The following ZNF474 variants were observed in gnomAD, a reference collection of about 807,000 sequenced individuals.
ZNF474 encodes the protein 4933409D10Rik.
For synonymous variants in ZNF474, 192 were observed against 162.2 expected, an observed-to-expected ratio of 1.18 and a Z score of -1.39; for missense variants, 511 against 433.8, an observed-to-expected ratio of 1.18 and a Z score of -1.58.
At chr5:122,151,536 G>A (rs1039660874) in intron 1 of ZNF474, among the ~76,000 whole-genome samples, 14 of 152,198 alleles carry the variant, frequency 9.2e-5, no homozygotes, top group East Asian at 3.9e-4. Context: ...GGCAGAACAC[G>A]ATTTTCAATA....
intron 1 of ZNF474, among the ~76,000 whole-genome samples, chr5:122,150,744 T>C (rs1258763303): frequency 6.6e-6 from 1 of 152,242 alleles, no homozygotes; most frequent in African/African-American, 2.4e-5. Context: ...TTCCCATAAA[T>C]GGATATCTAA....
At chr5:122,147,150 T>C (rs1313068356) in intron 1 of ZNF474, among the ~76,000 whole-genome samples, 1 of 152,174 alleles carries the variant, frequency 6.6e-6, no homozygotes. Context: ...TAAGACGGAC[T>C]GGTGAGCATA....
intron 1 of ZNF474, among the ~76,000 whole-genome samples, chr5:122,141,803 T>G (rs766790989): frequency 6.6e-6 from 1 of 152,210 alleles, no homozygotes; most frequent in African/African-American, 2.4e-5. Context: ...TCTTCCTGCC[T>G]TCAAGAGGTG....
chr5:122,150,497 G>A (rs1453083704), intron 1 of ZNF474, among the ~76,000 whole-genome samples: 1 of 152,116 alleles, frequency 6.6e-6, no homozygotes, highest in Non-Finnish European at 1.5e-5. Context: ...AGGACTGCTG[G>A]CCTTGCACTG....
At chr5:122,151,230 T>G (rs929165592) in intron 1 of ZNF474, among the ~76,000 whole-genome samples, 3 of 152,222 alleles carry the variant, frequency 2.0e-5, no homozygotes, top group Non-Finnish European at 4.4e-5. Context: ...TAAAACTGAT[T>G]TCACCTGTGA....
rs1402986420 is a variant in ZNF474 at position 122,153,252 on chromosome 5, T to C, written c.*167T>C. On this transcript the variant is annotated 3_prime_UTR_variant, in exon 2 of 2. Coordinates refer to ENST00000296600, the MANE Select transcript of ZNF474 (RefSeq NM_207317.3). The stretch of plus-strand genomic sequence containing the variant: ...TAGATATAAGAACATCCTTGCCTGA[T>C]GGGTTCATATTCCTCTTCAATTCTG... The C allele has an allele frequency of 3.9e-6, 3 of 760,692 alleles. No homozygotes were observed. In the African/African-American group the frequency reaches 5.3e-5, roughly 13 times the overall value. 47.1% of individuals were successfully genotyped at this position (760,692 alleles called of 1,614,324 possible).
intron 1 of ZNF474, among the ~76,000 whole-genome samples, chr5:122,140,011 A>G (rs139650915): frequency 6.7e-4 from 102 of 152,314 alleles, no homozygotes; most frequent in Non-Finnish European, 1.0e-3. Context: ...ATGTAGGCCA[A>G]TGGAATTCTC....
intron 1 of ZNF474, among the ~76,000 whole-genome samples, chr5:122,150,793 G>A (rs948757762): frequency 6.6e-6 from 1 of 152,066 alleles, no homozygotes; most frequent in Non-Finnish European, 1.5e-5. Flanking sequence ...GGGGAATCCA[G>A]GGCCTTTGTT....
rs1756207738 is a variant in ZNF474, at chr5:122,152,311, G to A, written c.321G>A (p.Gln107=). 3.1e-6 allele frequency: 5 copies of A among 1,614,186 alleles called. No individual in the cohort carries two copies. Among genetic ancestry groups the A allele is most frequent in the South Asian group, 1.1e-5 (1 of 91,084 alleles). Residue 107 remains glutamine, a synonymous_variant, in exon 2 of 2, where the codon CAG becomes CAA. Transcript: ENST00000296600. ...CYICGREFGS[Q]SIAIHEPQCL... ...TCTGTGGCCGAGAATTTGGGTCCCA[G>A]TCAATTGCCATTCATGAACCCCAGT...
chr5:122,138,776 G>A (rs1035901076), intron 1 of ZNF474, among the ~76,000 whole-genome samples: 1 of 152,124 alleles, frequency 6.6e-6, no homozygotes, highest in African/African-American at 2.4e-5. Context: ...TGTGATGTAT[G>A]TGTGTATGTG....
chr5:122,141,170 A>ATTTTATTTTATTTTATTTTATT (rs1167769955), intron 1 of ZNF474, among the ~76,000 whole-genome samples: 1 of 18,038 alleles, frequency 5.5e-5, no homozygotes, highest in African/African-American at 1.3e-4. Flanking sequence ...ATTTTATTTT[A>ATTTTATTTTATTTTATTTTATT]TTTTTGGAAA....
At chr5:122,134,712 T>C (rs1416907130) in intron 1 of ZNF474, among the ~76,000 whole-genome samples, 4 of 152,200 alleles carry the variant, frequency 2.6e-5, no homozygotes, top group African/African-American at 9.6e-5. Flanking sequence ...ACATTGATAC[T>C]GAAAGGCCTG....
Position 122,152,168 on chromosome 5 carries a change from A to C in ZNF474, c.178A>C (p.Lys60Gln). Residue 60 changes from lysine (K) to glutamine (Q), a missense_variant, in exon 2 of 2, where the codon AAA (lysine) becomes CAA (glutamine). Lys to Gln is a moderately conservative substitution (Grantham distance 53, BLOSUM62 1). Coordinates refer to ENST00000296600, the MANE Select transcript of ZNF474 (RefSeq NM_207317.3). ...PGENIKTDTQ[K>Q]KRPGTVILSK... ...TGAAAATATAAAGACAGACACTCAG[A>C]AAAAGAGACCTGGGACTGTGATACT... 1.2e-6 allele frequency: 2 copies of C among 1,614,174 alleles called. No homozygotes were observed. Among genetic ancestry groups the C allele is most frequent in the Non-Finnish European group, 1.7e-6 (2 of 1,180,026 alleles).
At chr5:122,143,958 G>A in intron 1 of ZNF474, among the ~76,000 whole-genome samples, 1 of 152,084 alleles carries the variant, frequency 6.6e-6, no homozygotes, top group Non-Finnish European at 1.5e-5. Flanking sequence ...TTGTCTGTTT[G>A]TGTTTTCCTT....
chr5:122,137,454 A>AG (rs1755729660), intron 1 of ZNF474, among the ~76,000 whole-genome samples: 1 of 138,810 alleles, frequency 7.2e-6, no homozygotes, highest in African/African-American at 2.9e-5. Flanking sequence ...CTCAAAAAAA[A>AG]AAAAAAAAAA....
At chr5:122,149,145 G>A (rs936604881) in intron 1 of ZNF474, among the ~76,000 whole-genome samples, 3 of 152,156 alleles carry the variant, frequency 2.0e-5, no homozygotes, top group Non-Finnish European at 4.4e-5. Flanking sequence ...AACAGATAGT[G>A]AATGCAAGCG....
intron 1 of ZNF474, among the ~76,000 whole-genome samples, chr5:122,139,419 T>C (rs1378766147): frequency 6.6e-6 from 1 of 152,200 alleles, no homozygotes; most frequent in Admixed American, 6.5e-5. Flanking sequence ...ACCAAATTTA[T>C]TTTATTGTCA....
At position 122,152,595 on chromosome 5, in the gene ZNF474, C is replaced by G. The variant is rs1178338578; in HGVS notation, c.605C>G (p.Ser202Cys). The change falls in exon 2 of 2, where the codon TCT (serine) becomes TGT (cysteine). Residue 202 changes from serine (S) to cysteine (C), a missense_variant. Physicochemically the swap from Ser to Cys is moderately radical, Grantham distance 112 (BLOSUM62 -1). Coordinates refer to ENST00000296600, the MANE Select transcript of ZNF474 (RefSeq NM_207317.3). ...EGPRAPHSNS[S>C]DHLTGLKKAC... ...CCCAGAGCACCACACTCAAACAGTTCTGATCATCTTACTGGCCTCAAGAAA... is the reference window on the plus strand; with the variant it reads ...CCCAGAGCACCACACTCAAACAGTTGTGATCATCTTACTGGCCTCAAGAAA... The G allele has an allele frequency of 6.2e-7, 1 of 1,614,198 alleles. No individual in the cohort carries two copies. The highest frequency in any genetic ancestry group is 1.3e-5 in the African/African-American group (1 of 75,042).
intron 1 of ZNF474, among the ~76,000 whole-genome samples, chr5:122,131,894 T>A (rs185266411): frequency 6.6e-6 from 1 of 152,208 alleles, no homozygotes; most frequent in East Asian, 1.9e-4. Flanking sequence ...AATGCACCCA[T>A]TTTAAGTACA....
Sources: gnomAD v4.1 joint callset for allele counts (sites outside exome capture counted in the v4.1 genomes callset) on GRCh38, gnomAD v4.1.1 for gene constraint, MANE v1.5 for transcripts, NCBI Gene and HGNC (gene_info 2026-07-23, HGNC 2026-07-21) for gene names.